Variants in KNTC1 observed in about 807,000 individuals in gnomAD.
The protein encoded by KNTC1 is kinetochore-associated protein 1.
KNTC1 carries 253 observed loss-of-function variants against 314.4 expected under a neutral mutation model. That is an observed-to-expected ratio of 0.80 (90% CI 0.73 to 0.89). The LOEUF (loss-of-function observed/expected upper bound fraction) is 0.89. Among genes scored for constraint, KNTC1 ranks in the 40% least tolerant of loss-of-function variants. The pLI is 0.00. For synonymous variants in KNTC1, 901 were observed against 901.4 expected (o/e 1.00, Z 0.01); for missense variants, 2,475 against 2,572.9 (o/e 0.96, Z 0.82).
intron 51 of KNTC1, among the ~76,000 whole-genome samples, chr12:122,607,661 A>G (rs990870861): frequency 6.6e-6 from 1 of 151,800 alleles, no homozygotes; most frequent in Non-Finnish European, 1.5e-5. Flanking sequence ...CATAATTACT[A>G]TTTTTCCTTT....
At chr12:122,612,151 C>T (rs1475718383) in intron 53 of KNTC1, among the ~76,000 whole-genome samples, 2 of 151,854 alleles carry the variant, frequency 1.3e-5, no homozygotes, top group Admixed American at 6.5e-5. Flanking sequence ...CTGCAACCTC[C>T]GCCTCCCGGG....
intron 3 of KNTC1, among the ~76,000 whole-genome samples, chr12:122,536,258 C>T (rs866440617): frequency 1.3e-4 from 20 of 149,676 alleles, no homozygotes; most frequent in African/African-American, 2.5e-4. Context: ...GATGTAGTCT[C>T]GCACTGTCGC....
chr12:122,560,662 A>G (rs1963910573), intron 18 of KNTC1, among the ~76,000 whole-genome samples: 1 of 152,076 alleles, frequency 6.6e-6, no homozygotes, highest in African/African-American at 2.4e-5. Flanking sequence ...GTGAGCCACC[A>G]CACTGGGCCC....
In KNTC1 at chr12:122,530,173, T is replaced by G. The variant is rs1309523023; in HGVS notation, c.110T>G (p.Val37Gly). 1 of 1,613,242 alleles carries G rather than the reference T, an allele frequency of 6.2e-7. No homozygotes were observed. Among genetic ancestry groups the G allele is most frequent in the African/African-American group, 1.3e-5 (1 of 74,926 alleles). The change falls in exon 2 of 64, where the codon GTG (valine) becomes GGG (glycine). Residue 37 changes from valine to glycine, a missense_variant. By Grantham distance (109) the Val-to-Gly change is moderately radical (BLOSUM62 -3). Transcript: ENST00000333479. ...GCTTTATATCAAGTAGATTTGCTAG[T>G]GAAGATCTCTTCTGAAAAGGTAGTG... The part of the protein sequence containing the change: ...GTALYQVDLL[V>G]KISSEKASLN...
At chr12:122,538,199 A>G (rs1259882471) in intron 3 of KNTC1, 140 bp from the exon 4 acceptor site, 2 of 591,544 alleles carry the variant, frequency 3.4e-6, no homozygotes, top group East Asian at 5.6e-5. Context: ...ATTCTTTTTT[A>G]CTTTCATCAC....
intron 31 of KNTC1, among the ~76,000 whole-genome samples, chr12:122,578,748 T>C (rs1965195304): frequency 6.6e-6 from 1 of 152,136 alleles, no homozygotes; most frequent in Non-Finnish European, 1.5e-5. Context: ...CCCCTAAGGA[T>C]AGATACCTCC....
At chr12:122,622,678 A>G (rs1593700507) in intron 62 of KNTC1, 71 bp downstream of exon 62, 3 of 1,263,156 alleles carry the variant, frequency 2.4e-6, no homozygotes, top group Non-Finnish European at 3.2e-6. Context: ...GCTGGGCACG[A>G]TGGCTCACGA....
At position 122,539,695 on chromosome 12, in the gene KNTC1, AC is replaced by A; in HGVS notation, c.387del (p.Asn129LysfsTer42). ...ATTTAGGCATTTGTTCAGAAAGCTA[AC>A]GATGAAAATCGGCGGACTTACCAGA... is the stretch of plus-strand genomic sequence containing the variant. ...LLTNAFVQKA[N>X]DENRRTYQNL... On this transcript the variant is annotated frameshift_variant, in exon 5 of 64. Coordinates refer to ENST00000333479, the MANE Select transcript of KNTC1 (RefSeq NM_014708.6). LOFTEE classifies it high-confidence loss of function. 1 of 1,578,790 alleles carries A rather than the reference AC, an allele frequency of 6.3e-7. No homozygotes were observed. The highest frequency in any genetic ancestry group is 1.2e-5 in the South Asian group (1 of 85,258).
At chr12:122,574,541 G>A (rs577994141) in intron 27 of KNTC1, among the ~76,000 whole-genome samples, 161 bp downstream of exon 27, 1 of 152,274 alleles carries the variant, frequency 6.6e-6, no homozygotes, top group South Asian at 2.1e-4. Context: ...GTTCACTGCA[G>A]CCTCAATCTC....
At position 122,591,404 on chromosome 12, in the gene KNTC1, G is replaced by A. The variant is rs759508546; in HGVS notation, c.4196G>A (p.Arg1399His). 8.1e-6 allele frequency: 13 copies of A among 1,611,128 alleles called. No homozygotes were observed. The African/African-American group carries it at 1.1e-4, about 13-fold the overall frequency. ...YQEIEMGLKF[R>H]ELSTDAQWGI... is the part of the protein sequence containing the mutation. ...GAAATAGAAATGGGGCTTAAGTTCCGTGAACTCAGTACTGATGCCCAGTGG... is the reference window on the plus strand; with the variant it reads ...GAAATAGAAATGGGGCTTAAGTTCCATGAACTCAGTACTGATGCCCAGTGG... The change falls in exon 42 of 64, where the codon CGT becomes CAT. Residue 1399 changes from arginine (R) to histidine (H), a missense_variant. Transcript: ENST00000333479.
rs373995140 is a variant in KNTC1, at chr12:122,622,618, TAAAA to T, written c.6515+21_6515+24del. 45 of 1,236,706 alleles carry T rather than the reference TAAAA, an allele frequency of 3.6e-5. No individual in the cohort carries two copies. In the East Asian group the frequency reaches 5.8e-4, roughly 16 times the overall value. The allele number at this position is 1,236,706 out of a possible 1,614,324, so 76.6% of individuals were successfully genotyped here. On this transcript the variant is annotated intron_variant, in intron 62 of 63. Coordinates refer to ENST00000333479, the MANE Select transcript of KNTC1 (RefSeq NM_014708.6). ...GGCAAATGACTTAAGGTAAGTTAAT[TAAAA>T]AAAAAAAAACTTACTGTGGAATTTC...
At chr12:122,588,883 T>G in intron 40 of KNTC1, 67 bp downstream of exon 40, 1 of 920,580 alleles carries the variant, frequency 1.1e-6, no homozygotes, top group Non-Finnish European at 1.6e-6. Flanking sequence ...GTTAATTGCA[T>G]ATGACTCAAT....
intron 20 of KNTC1, 109 bp from the exon 21 acceptor site, chr12:122,568,152 C>A: frequency 1.6e-6 from 1 of 634,338 alleles, no homozygotes; most frequent in Non-Finnish European, 2.8e-6. Context: ...TTTGTTTTTA[C>A]CTTTATGAAG....
At chr12:122,545,649 G>A (rs896286052) in intron 8 of KNTC1, among the ~76,000 whole-genome samples, 4 of 151,946 alleles carry the variant, frequency 2.6e-5, no homozygotes, top group Admixed American at 1.3e-4. Flanking sequence ...GCCTAAATAC[G>A]CTCATTAAAT....
intron 2 of KNTC1, among the ~76,000 whole-genome samples, chr12:122,531,549 A>G (rs1961327217): frequency 6.6e-6 from 1 of 152,186 alleles, no homozygotes; most frequent in African/African-American, 2.4e-5. Flanking sequence ...ATAATCCAAC[A>G]ATAAGATAAT....
At position 122,623,029 on chromosome 12, in the gene KNTC1, T is replaced by C. The variant is rs574713072; in HGVS notation, c.6515+422T>C. Among the ~76,000 whole-genome samples, 5 of 152,306 alleles carry C rather than the reference T, an allele frequency of 3.3e-5. No individual in the cohort carries two copies. The East Asian group carries it at 5.8e-4, about 18-fold the overall frequency. ...TGGTTGTAATTAAAAGCTCAAAATA[T>C]TACATCTCTCATTACTGCACATATC... On this transcript the variant is annotated intron_variant, in intron 62 of 63. Transcript: ENST00000333479.
At chr12:122,623,329 G>T (rs1302419005) in intron 62 of KNTC1, among the ~76,000 whole-genome samples, 1 of 152,198 alleles carries the variant, frequency 6.6e-6, no homozygotes, top group African/African-American at 2.4e-5. Flanking sequence ...CTGAACGGGA[G>T]AAGGAAGAAG....
At chr12:122,531,877 G>A (rs1593468972) in intron 2 of KNTC1, among the ~76,000 whole-genome samples, 1 of 151,708 alleles carries the variant, frequency 6.6e-6, no homozygotes, top group East Asian at 1.9e-4. Flanking sequence ...GGGACTACAG[G>A]CGCCCGCCAC....
chr12:122,585,247 G>A (rs1305517708), intron 36 of KNTC1, among the ~76,000 whole-genome samples: 1 of 151,908 alleles, frequency 6.6e-6, no homozygotes, highest in African/African-American at 2.4e-5. Context: ...TCACCATCTT[G>A]TCTAGGCTGG....
Sources: gnomAD v4.1 joint callset for allele counts (sites outside exome capture counted in the v4.1 genomes callset) on GRCh38, gnomAD v4.1.1 for gene constraint, MANE v1.5 for transcripts, NCBI Gene and HGNC (gene_info 2026-07-23, HGNC 2026-07-21) for gene names.